ABCB4: variants seen among roughly 807,000 people sequenced by gnomAD.
ABCB4 encodes phosphatidylcholine translocator ABCB4.
ABCB4 carries 76 observed loss-of-function variants against 145.7 expected under a neutral mutation model. That is an observed-to-expected ratio of 0.52 (90% CI 0.43 to 0.63). The LOEUF is 0.63. Among genes scored for constraint, ABCB4 ranks in the 30% least tolerant of loss-of-function variants. The pLI is 0.00. For synonymous variants in ABCB4, 517 were observed against 566.8 expected (o/e 0.91, Z 1.25); for missense variants, 1,234 against 1,553.1 (o/e 0.79, Z 3.45).
At chr7:87,475,352 G>A in intron 2 of ABCB4, 34 bp downstream of exon 2, 10 of 1,612,540 alleles carry the variant, frequency 6.2e-6, no homozygotes, top group Non-Finnish European at 8.5e-6. Flanking sequence ...TGATTGGCGT[G>A]TAACGGAAAA....
chr7:87,447,676 G>A (rs1277500654), intron 8 of ABCB4, among the ~76,000 whole-genome samples: 1 of 152,180 alleles, frequency 6.6e-6, no homozygotes, highest in Non-Finnish European at 1.5e-5. Flanking sequence ...TCCACTGGGT[G>A]AGGGATGAAA....
chr7:87,378,346 C>A, the ABCB4 span, among the ~76,000 whole-genome samples: 600 of 132,328 alleles, frequency 4.5e-3, 4 homozygotes, highest in Middle Eastern at 0.012. Flanking sequence ...ACTCCGACTC[C>A]AAAAAAAAAA....
chr7:87,426,661 G>T, intron 16 of ABCB4, 89 bp downstream of exon 16: 5 of 1,365,230 alleles, frequency 3.7e-6, no homozygotes, highest in Non-Finnish European at 4.2e-6. Context: ...AGTCATCTGT[G>T]CCTGAAAAAT....
At chr7:87,462,158 T>C (rs982893573) in intron 4 of ABCB4, among the ~76,000 whole-genome samples, 3 of 152,212 alleles carry the variant, frequency 2.0e-5, no homozygotes, top group African/African-American at 7.2e-5. Flanking sequence ...CTCGTATTGA[T>C]AACATTAACT....
intron 25 of ABCB4, 121 bp from the exon 26 acceptor site, chr7:87,406,615 AC>A: frequency 9.8e-7 from 1 of 1,019,126 alleles, no homozygotes; most frequent in Non-Finnish European, 1.5e-6. Flanking sequence ...CAAAACAACA[AC>A]CCTCCAAGAC....
rs1428332776 is a variant in ABCB4, at chr7:87,413,836, C to T, written c.2683-119G>A. The T allele has an allele frequency of 1.6e-5, 12 of 746,362 alleles. No individual in the cohort carries two copies. The East Asian group carries it at 2.5e-4, about 16-fold the overall frequency. The allele number at this position is 746,362 out of a possible 1,614,324, so 46.2% of individuals were successfully genotyped here. A position where few individuals can be genotyped will look rare whatever the true frequency, so the allele number is the denominator to read the frequency against. On this transcript the variant is annotated intron_variant, in intron 21 of 27. Coordinates refer to ENST00000649586, the MANE Select transcript of ABCB4 (RefSeq NM_000443.4). ...GGTTACGTTGATAGGCTTTAATTTC[C>T]TTTAAATTAAAAACCAAAGGCATAA...
chr7:87,403,032 G>T (rs2116308274), intron 27 of ABCB4, 103 bp downstream of exon 27: 1 of 1,254,988 alleles, frequency 8.0e-7, no homozygotes, highest in Non-Finnish European at 1.2e-6. Context: ...CTAACGTTCT[G>T]TGTTTTTCCC....
intron 18 of ABCB4, among the ~76,000 whole-genome samples, chr7:87,421,009 GCTGGTTC>G (rs1356833504): frequency 2.2e-4 from 33 of 152,182 alleles, no homozygotes; most frequent in African/African-American, 7.7e-4. Context: ...AAATGAGTAT[GCTGGTTC>G]CTGGTCACAG....
intron 21 of ABCB4, among the ~76,000 whole-genome samples, chr7:87,414,371 T>G (rs1193382818): frequency 1.3e-5 from 2 of 152,204 alleles, no homozygotes; most frequent in African/African-American, 4.8e-5. Context: ...GGTCTGAATA[T>G]ACAGCATCCG....
At chr7:87,398,133 A>T (rs1807605243), downstream of ABCB4, among the ~76,000 whole-genome samples, 2 of 146,670 alleles carry the variant, frequency 1.4e-5, no homozygotes, top group African/African-American at 2.5e-5. Context: ...TTCTTCAAGT[A>T]CTCTTTAAAA....
At chr7:87,375,517 C>A in the ABCB4 span, 1 of 663,462 alleles carries the variant, frequency 1.5e-6, no homozygotes, top group Non-Finnish European at 2.5e-6. Flanking sequence ...TAAGTGGTTT[C>A]TTTGGGTAAT....
At position 87,409,366 on chromosome 7, in the gene ABCB4, G is replaced by C; in HGVS notation, c.2951C>G (p.Ala984Gly). 6.2e-7 allele frequency: 1 copy of C among 1,614,004 alleles called. No homozygotes were observed. Among genetic ancestry groups the C allele is most frequent in the South Asian group, 1.1e-5 (1 of 91,088 alleles). The change falls in exon 24 of 28, where the codon GCA becomes GGA. Residue 984 changes from alanine to glycine, a missense_variant. This residue lies in a region of ABCB4 where 301 missense variants were observed against 389.0 expected (regional missense o/e 0.77). Transcript: ENST00000649586. ...ILVFSAIVFG[A>G]VALGHASSFA... is the part of the protein sequence containing the mutation. ...TGAACTGGCATGTCCTAGAGCCACT[G>C]CACCAAATACAATTGCAGAAAACAC... is the stretch of plus-strand genomic sequence containing the variant.
chr7:87,435,721 T>G (rs2116647732), intron 14 of ABCB4, among the ~76,000 whole-genome samples: 1 of 152,298 alleles, frequency 6.6e-6, no homozygotes, highest in South Asian at 2.1e-4. Flanking sequence ...AACCCACAAA[T>G]TTGTGGGCAA....
the ABCB4 span, chr7:87,375,476 AAT>A: frequency 7.1e-6 from 4 of 565,124 alleles, no homozygotes; most frequent in Non-Finnish European, 1.3e-5. Context: ...CACTTAAAAA[AAT>A]ATGTGATGTA....
chr7:87,451,575 A>C, intron 7 of ABCB4, 48 bp downstream of exon 7: 1 of 1,600,898 alleles, frequency 6.2e-7, no homozygotes, highest in Non-Finnish European at 8.6e-7. Context: ...ATTAAAGATT[A>C]CTGTGTGCAG....
At chr7:87,448,222 G>T (rs994778991) in intron 8 of ABCB4, among the ~76,000 whole-genome samples, 2 of 151,692 alleles carry the variant, frequency 1.3e-5, no homozygotes, top group African/African-American at 4.8e-5. Flanking sequence ...AATCCAATGG[G>T]TATGCAATGA....
chr7:87,463,571 C>T (rs1054230323), intron 3 of ABCB4, among the ~76,000 whole-genome samples: 15 of 152,088 alleles, frequency 9.9e-5, no homozygotes, highest in African/African-American at 1.9e-4. Flanking sequence ...GGAGAAGAAT[C>T]GGCGAGTGTA....
At chr7:87,404,794 A>G (rs987357060) in intron 26 of ABCB4, among the ~76,000 whole-genome samples, 3 of 152,248 alleles carry the variant, frequency 2.0e-5, no homozygotes, top group Non-Finnish European at 4.4e-5. Context: ...CCATTGGGAA[A>G]TGCATATTAA....
intron 7 of ABCB4, among the ~76,000 whole-genome samples, chr7:87,450,745 T>C (rs192692748): frequency 1.2e-3 from 182 of 152,244 alleles, no homozygotes; most frequent in African/African-American, 4.3e-3. Flanking sequence ...AATTTTTAAT[T>C]ACTATAAAAA....
Sources: allele counts gnomAD v4.1 joint callset (sites outside exome capture counted in the v4.1 genomes callset), GRCh38; gene constraint gnomAD v4.1.1; regional missense constraint gnomAD v4.1.1; transcripts MANE v1.5; gene names NCBI Gene and HGNC (gene_info 2026-07-23, HGNC 2026-07-21).